The following RGS9 variants were observed in gnomAD, a reference collection of about 807,000 sequenced individuals.
The protein encoded by RGS9 is regulator of G protein signaling 9, also known as regulator of G-protein signalling 9.
RGS9 carries 78 observed loss-of-function variants against 102.0 expected under a neutral mutation model. The observed-to-expected ratio is 0.76, with a 90% confidence interval of 0.64 to 0.92. RGS9 has a LOEUF of 0.92. Ranked by LOEUF, RGS9 falls within the 40% of genes least tolerant of loss-of-function variation. RGS9 has a pLI of 0.00. For missense variants in RGS9, 833 were observed against 866.1 expected (o/e 0.96, Z 0.48); for synonymous variants, 353 against 318.6 (o/e 1.11, Z -1.15).
Position 65,197,230 on chromosome 17 carries a change from A to T in RGS9, c.965A>T (p.Lys322Ile), listed in dbSNP as rs867222406. ...GRQSFQYFLK[K>I]EFSGENLGFW... ...CAGAGCTTCCAGTACTTCCTCAAGA[A>T]AGAATTCAGTGGTGGGTCTTTGTTT... The change falls in exon 13 of 19, where the codon AAA (lysine) becomes ATA (isoleucine). Residue 322 changes from lysine to isoleucine, a missense_variant. Physicochemically the swap from Lys to Ile is moderately radical, Grantham distance 102. This residue lies in a region of RGS9 where 185 missense variants were observed against 248.7 expected (regional missense o/e 0.74). Coordinates refer to ENST00000262406, the MANE Select transcript of RGS9 (RefSeq NM_003835.4). The T allele has an allele frequency of 2.5e-6, 4 of 1,608,282 alleles. No individual in the cohort carries two copies. The Admixed American group carries it at 6.7e-5, about 27-fold the overall frequency.
At position 65,153,308 on chromosome 17, in the gene RGS9, G is replaced by A. The variant is rs1201278449; in HGVS notation, c.58-114G>A. On this transcript the variant is annotated intron_variant, in intron 1 of 18. Coordinates refer to ENST00000262406, the MANE Select transcript of RGS9 (RefSeq NM_003835.4). ...CCACCTGGCTCCTGTACCAGATGGGGAACCCCTGTGTCCACCTTTGCATTT... is the reference window on the plus strand; with the variant it reads ...CCACCTGGCTCCTGTACCAGATGGGAAACCCCTGTGTCCACCTTTGCATTT... 5 of 888,424 alleles carry A rather than the reference G, an allele frequency of 5.6e-6. No homozygotes were observed. The African/African-American group carries it at 6.5e-5, about 12-fold the overall frequency. The allele number at this position is 888,424 out of a possible 1,614,324, so 55.0% of individuals were successfully genotyped here.
At chr17:65,179,148 G>T in intron 9 of RGS9, among the ~76,000 whole-genome samples, 1 of 152,150 alleles carries the variant, frequency 6.6e-6, no homozygotes, top group East Asian at 1.9e-4. Context: ...TAAGGCATGA[G>T]TGGGGGCCTG....
intron 1 of RGS9, among the ~76,000 whole-genome samples, chr17:65,145,050 G>A (rs148503672): frequency 3.9e-5 from 6 of 152,172 alleles, no homozygotes; most frequent in African/African-American, 1.4e-4. Context: ...GGTCATAGGG[G>A]ATTAGGGTCC....
At chr17:65,213,412 G>C (rs752694445) in intron 17 of RGS9, among the ~76,000 whole-genome samples, 1 of 152,118 alleles carries the variant, frequency 6.6e-6, no homozygotes, top group Non-Finnish European at 1.5e-5. Context: ...ACTTTTATGG[G>C]AACATTTGAG....
At chr17:65,170,048 CTTTTTTTTTT>C (rs993959757) in intron 8 of RGS9, among the ~76,000 whole-genome samples, 4 of 122,110 alleles carry the variant, frequency 3.3e-5, no homozygotes, top group African/African-American at 1.3e-4. Flanking sequence ...CTTCTGCATT[CTTTTTTTTTT>C]TTTTTTTTTT....
chr17:65,222,022 G>A (rs1479754677), intron 17 of RGS9, among the ~76,000 whole-genome samples: 2 of 152,250 alleles, frequency 1.3e-5, no homozygotes, highest in East Asian at 3.8e-4. Flanking sequence ...CAAGGTGTCA[G>A]CCAGGCTGAC....
At chr17:65,186,956 A>G (rs1912147285) in intron 9 of RGS9, among the ~76,000 whole-genome samples, 1 of 152,208 alleles carries the variant, frequency 6.6e-6, no homozygotes, top group South Asian at 2.1e-4. Flanking sequence ...AAGTAATTAT[A>G]AAGTATTAGA....
intron 14 of RGS9, 149 bp from the exon 15 acceptor site, chr17:65,204,014 A>G: frequency 2.5e-6 from 2 of 809,274 alleles, no homozygotes; most frequent in Non-Finnish European, 4.0e-6. Context: ...CCTCTTCAAA[A>G]GTTCATGCTC....
At chr17:65,225,723 A>G (rs1209543624) in intron 18 of RGS9, 3 of 581,508 alleles carry the variant, frequency 5.2e-6, no homozygotes, top group African/African-American at 3.7e-5. Flanking sequence ...AATCTTTTCC[A>G]TTTTTCCAAA....
intron 17 of RGS9, among the ~76,000 whole-genome samples, chr17:65,223,351 C>T (rs1402056974): frequency 6.6e-6 from 1 of 152,236 alleles, no homozygotes; most frequent in Non-Finnish European, 1.5e-5. Flanking sequence ...GGGCTCTGAG[C>T]TGCTGTTTGG....
At position 65,158,310 on chromosome 17, in the gene RGS9, A is replaced by C; in HGVS notation, c.170A>C (p.Gln57Pro). The C allele has an allele frequency of 6.2e-7, 1 of 1,614,200 alleles. No individual in the cohort carries two copies. The highest frequency in any genetic ancestry group is 8.5e-7 in the Non-Finnish European group (1 of 1,180,024). ...PHAMTGSDVL[Q>P]WIVQRLWISS... ...TGTTTTTCAGGAAGTGATGTTCTGC[A>C]ATGGATCGTCCAGCGGCTTTGGATC... The change falls in exon 3 of 19, where the codon CAA (glutamine) becomes CCA (proline). Residue 57 changes from glutamine to proline, a missense_variant. Physicochemically the swap from Gln to Pro is moderately conservative, Grantham distance 76. This residue lies in a region of RGS9 where 328 missense variants were observed against 340.6 expected (regional missense o/e 0.96). Coordinates refer to ENST00000262406, the MANE Select transcript of RGS9 (RefSeq NM_003835.4).
intron 9 of RGS9, among the ~76,000 whole-genome samples, chr17:65,182,019 T>A (rs903379279): frequency 4.6e-5 from 7 of 152,190 alleles, no homozygotes; most frequent in African/African-American, 1.7e-4. Context: ...CACCTTCTCA[T>A]ACTTCTCCCC....
At chr17:65,206,870 A>G (rs1296812178) in intron 15 of RGS9, among the ~76,000 whole-genome samples, 1 of 152,200 alleles carries the variant, frequency 6.6e-6, no homozygotes, top group Admixed American at 6.5e-5. Flanking sequence ...AACGTATCCC[A>G]GTGGCTCCAT....
intron 1 of RGS9, among the ~76,000 whole-genome samples, chr17:65,147,701 C>T (rs140102539): frequency 0.031 from 4,585 of 149,186 alleles, 245 homozygotes; most frequent in African/African-American, 0.11. Flanking sequence ...AGTGATTCTC[C>T]TGCCTCAGCC....
intron 2 of RGS9, 44 bp downstream of exon 2, chr17:65,153,562 C>G: frequency 1.4e-6 from 2 of 1,467,296 alleles, no homozygotes; most frequent in South Asian, 1.1e-5. Flanking sequence ...ATAGACCCCA[C>G]AGGCCCAATA....
In RGS9 at chr17:65,225,091, C is replaced by T. The variant is rs1214250179; in HGVS notation, c.1497C>T (p.Ser499=). Residue 499 remains serine (S), a synonymous_variant, in exon 18 of 19, where the codon TCC becomes TCT. Transcript: ENST00000262406. ...PPSPSSPFSS[S]CRSPRKPFAS... is the part of the protein sequence containing the mutation. ...CTCCTTCTAGCCCCTTCTCCTCCTC[C>T]TGCCGCTCCCCCAGGAAGCCTTTCG... The T allele has an allele frequency of 6.2e-7, 1 of 1,613,896 alleles. No homozygotes were observed. The highest frequency in any genetic ancestry group is 8.5e-7 in the Non-Finnish European group (1 of 1,180,028).
At chr17:65,155,463 T>C (rs942952457) in intron 2 of RGS9, among the ~76,000 whole-genome samples, 2 of 152,222 alleles carry the variant, frequency 1.3e-5, no homozygotes, top group African/African-American at 4.8e-5. Context: ...GAGTGAAGGA[T>C]TAAATCCTTC....
chr17:65,198,924 G>T (rs960101807), intron 13 of RGS9, among the ~76,000 whole-genome samples: 1 of 152,146 alleles, frequency 6.6e-6, no homozygotes, highest in South Asian at 2.1e-4. Context: ...ATGGACTGGC[G>T]AATAAGTGGT....
At chr17:65,191,967 C>T (rs1364612588) in intron 11 of RGS9, among the ~76,000 whole-genome samples, 1 of 152,164 alleles carries the variant, frequency 6.6e-6, no homozygotes, top group Non-Finnish European at 1.5e-5. Context: ...CACAATTCCC[C>T]ACCTACGGGG....
Sources: allele counts gnomAD v4.1 joint callset (sites outside exome capture counted in the v4.1 genomes callset), GRCh38; gene constraint gnomAD v4.1.1; regional missense constraint gnomAD v4.1.1; transcripts MANE v1.5; gene names NCBI Gene and HGNC (gene_info 2026-07-23, HGNC 2026-07-21).